CNGA3: variants seen among roughly 807,000 people sequenced by gnomAD.
CNGA3 encodes the protein cyclic nucleotide gated channel subunit alpha 3, also known as cyclic nucleotide-gated channel alpha-3.
CNGA3 carries 42 observed loss-of-function variants against 46.6 expected under a neutral mutation model. That is an observed-to-expected ratio of 0.90 (90% CI 0.70 to 1.17). CNGA3 has a LOEUF of 1.17. CNGA3 is among the 50% of genes most tolerant of loss of function. The probability of loss-of-function intolerance (pLI) is 0.00; values close to 1 mark genes in which losing one functional copy is unlikely to be tolerated. For synonymous variants in CNGA3, 394 were observed against 369.4 expected, an observed-to-expected ratio of 1.07 and a Z score of -0.76; for missense variants, 893 against 890.7, an observed-to-expected ratio of 1.00 and a Z score of -0.03.
rs1692915490 is a variant in CNGA3 at position 98,396,433 on chromosome 2, G to A, written c.1263G>A (p.Lys421=). The change falls in exon 8 of 8, where the codon AAG becomes AAA. Residue 421 remains lysine (K), a synonymous_variant. Transcript: ENST00000272602. ...TCCAGGCCAAGATTGATTCCATCAAGCAGTACATGCAGTTCCGCAAGGTCA... is the reference window on the plus strand; with the variant it reads ...TCCAGGCCAAGATTGATTCCATCAAACAGTACATGCAGTTCCGCAAGGTCA... The part of the protein sequence containing the change: ...AEFQAKIDSI[K]QYMQFRKVTK... 2 of 1,613,852 alleles carry A rather than the reference G, an allele frequency of 1.2e-6. No homozygotes were observed. The highest frequency in any genetic ancestry group is 1.3e-5 in the African/African-American group (1 of 74,906).
chr2:98,393,060 G>T (rs1387892968), intron 7 of CNGA3, among the ~76,000 whole-genome samples: 4 of 152,098 alleles, frequency 2.6e-5, no homozygotes, highest in Non-Finnish European at 5.9e-5. Flanking sequence ...TGAGGCAGGA[G>T]TTCCAGACTA....
chr2:98,378,057 G>C (rs1418255351), intron 3 of CNGA3: 1 of 1,550,498 alleles, frequency 6.4e-7, no homozygotes, highest in African/African-American at 1.4e-5. Context: ...TACTTGCTCA[G>C]GTTTGGAAGA....
At chr2:98,378,334 T>C in intron 3 of CNGA3, 1 of 1,078,626 alleles carries the variant, frequency 9.3e-7, no homozygotes, top group Non-Finnish European at 1.3e-6. Flanking sequence ...CCTGAGGAAG[T>C]CATTTCACCT....
chr2:98,368,402 TA>T (rs1692211314), intron 1 of CNGA3, among the ~76,000 whole-genome samples: 1 of 152,234 alleles, frequency 6.6e-6, no homozygotes, highest in Non-Finnish European at 1.5e-5. Context: ...GAGCCTGTGC[TA>T]ATCTATTTTA....
At chr2:98,373,478 G>A (rs1047229547) in intron 2 of CNGA3, among the ~76,000 whole-genome samples, 2 of 152,240 alleles carry the variant, frequency 1.3e-5, no homozygotes, top group South Asian at 2.1e-4. Context: ...GCCCCCAAGA[G>A]GAAGGCATAG....
At position 98,383,357 on chromosome 2, in the gene CNGA3, G is replaced by C. The variant is rs1484466311; in HGVS notation, c.396-31G>C. Reference sequence around the variant, plus strand: ...CCCCAAGGAATGGAAACAGAGTTCAGACCCTTGATGTTCTCTCTACCTTCC... The same window carrying C: ...CCCCAAGGAATGGAAACAGAGTTCACACCCTTGATGTTCTCTCTACCTTCC... On this transcript the variant is annotated intron_variant, in intron 4 of 7. Coordinates refer to ENST00000272602, the MANE Select transcript of CNGA3 (RefSeq NM_001298.3). 6.2e-6 allele frequency: 10 copies of C among 1,610,840 alleles called. No individual in the cohort carries two copies. In the South Asian group the frequency reaches 1.1e-4, roughly 18 times the overall value.
chr2:98,352,482 C>G (rs1691789214), intron 1 of CNGA3, among the ~76,000 whole-genome samples: 1 of 152,186 alleles, frequency 6.6e-6, no homozygotes, highest in Non-Finnish European at 1.5e-5. Context: ...GTGGCTACAT[C>G]ATTTACATTC....
intron 4 of CNGA3, among the ~76,000 whole-genome samples, chr2:98,381,487 C>T (rs985255115): frequency 9.9e-5 from 15 of 152,254 alleles, no homozygotes; most frequent in African/African-American, 1.9e-4. Flanking sequence ...GTGGCTCTTT[C>T]GGGAACGTCC....
chr2:98,396,621 A>G lies in CNGA3; in HGVS notation c.1451A>G (p.Gln484Arg), dbSNP rs1437228763. 1.2e-6 allele frequency: 2 copies of G among 1,613,970 alleles called. No homozygotes were observed. The highest frequency in any genetic ancestry group is 1.3e-5 in the African/African-American group (1 of 74,912). Reference protein sequence around the residue: ...LDTLKKVRIFQDCEAGLLVEL... With the variant: ...LDTLKKVRIFRDCEAGLLVEL... The stretch of plus-strand genomic sequence containing the variant: ...ACGCTGAAGAAGGTTCGCATCTTCC[A>G]GGACTGTGAGGCAGGGCTGCTGGTG... The change falls in exon 8 of 8, where the codon CAG becomes CGG. Residue 484 changes from glutamine to arginine, a missense_variant. By Grantham distance (43) the Gln-to-Arg change is conservative. Coordinates refer to ENST00000272602, the MANE Select transcript of CNGA3 (RefSeq NM_001298.3).
chr2:98,365,829 A>G (rs1692135716), intron 1 of CNGA3, among the ~76,000 whole-genome samples: 1 of 152,144 alleles, frequency 6.6e-6, no homozygotes, highest in Admixed American at 6.5e-5. Flanking sequence ...GCTTCTTTGC[A>G]TTGGGTTAGA....
chr2:98,348,884 T>C (rs893696723), intron 1 of CNGA3, among the ~76,000 whole-genome samples: 2 of 152,106 alleles, frequency 1.3e-5, no homozygotes, highest in Non-Finnish European at 2.9e-5. Flanking sequence ...ATGGAGGTGA[T>C]AACAGAGCCC....
chr2:98,361,971 T>A (rs1692044438), intron 1 of CNGA3, among the ~76,000 whole-genome samples: 1 of 151,962 alleles, frequency 6.6e-6, no homozygotes, highest in South Asian at 2.1e-4. Context: ...CCTCCCAAAG[T>A]GCTGGGATTA....
chr2:98,396,688 G>A lies in CNGA3; in HGVS notation c.1518G>A (p.Gly506=). 2.5e-6 allele frequency: 4 copies of A among 1,614,142 alleles called. No individual in the cohort carries two copies. Among genetic ancestry groups the A allele is most frequent in the Non-Finnish European group, 3.4e-6 (4 of 1,180,034 alleles). ...TGCGACCCACTGTGTTCAGCCCTGG[G>A]GATTATATCTGCAAGAAGGGAGATA... is the stretch of plus-strand genomic sequence containing the variant. ...LKLRPTVFSP[G]DYICKKGDIG... is the part of the protein sequence containing the mutation. Residue 506 remains glycine (G), a synonymous_variant, in exon 8 of 8, where the codon GGG becomes GGA. Coordinates refer to ENST00000272602, the MANE Select transcript of CNGA3 (RefSeq NM_001298.3).
chr2:98,358,378 G>A (rs957285351), intron 1 of CNGA3, among the ~76,000 whole-genome samples: 3 of 152,106 alleles, frequency 2.0e-5, no homozygotes, highest in East Asian at 3.8e-4. Flanking sequence ...TGAATTGATG[G>A]ATCTAGCAAA....
chr2:98,389,728 G>GGT lies in CNGA3; in HGVS notation c.520_521insGT (p.Ala174GlyfsTer28). ...CAACCTGTACTACCGCTGGCTGACCGCCATCGCCCTGCCTGTCTTCTATAA... is the reference window on the plus strand; with the variant it reads ...CAACCTGTACTACCGCTGGCTGACCGGTCCATCGCCCTGCCTGTCTTCTATAA... On this transcript the variant is annotated frameshift_variant, in exon 6 of 8. Transcript: ENST00000272602. LOFTEE classifies it high-confidence loss of function. 6.2e-7 allele frequency: 1 copy of GGT among 1,613,610 alleles called. No individual in the cohort carries two copies. Among genetic ancestry groups the GGT allele is most frequent in the Non-Finnish European group, 8.5e-7 (1 of 1,180,018 alleles).
intron 7 of CNGA3, 62 bp from the exon 8 acceptor site, chr2:98,395,782 T>C: frequency 7.2e-7 from 1 of 1,397,220 alleles, no homozygotes; most frequent in African/African-American, 1.4e-5. Flanking sequence ...TATGTTTCTT[T>C]GTACTATGGT....
intron 1 of CNGA3, chr2:98,347,179 G>A (rs1691652300): frequency 6.6e-6 from 1 of 152,310 alleles, no homozygotes; most frequent in Admixed American, 6.5e-5. Context: ...AAAGAGAAAG[G>A]TAGGCTGAGG....
At position 98,395,905 on chromosome 2, in the gene CNGA3, G is replaced by C; in HGVS notation, c.735G>C (p.Thr245=). The C allele has an allele frequency of 6.2e-7, 1 of 1,614,100 alleles. No homozygotes were observed. The highest frequency in any genetic ancestry group is 8.5e-7 in the Non-Finnish European group (1 of 1,180,032). Residue 245 remains threonine (T), a synonymous_variant, in exon 8 of 8, where the codon ACG becomes ACC. Coordinates refer to ENST00000272602, the MANE Select transcript of CNGA3 (RefSeq NM_001298.3). ...DTNRLWQHYK[T]TTQFKLDVLS... ...ACAGGCTGTGGCAGCATTACAAGAC[G>C]ACCACGCAGTTCAAGCTGGATGTGT...
Position 98,396,937 on chromosome 2 carries a change from C to A in CNGA3, c.1767C>A (p.Thr589=), listed in dbSNP as rs137950660. ...AGGACGATCTCATGGAGGCCCTCACCGAGTACCCCGAAGCCAAGAAGGCCC... is the reference window on the plus strand; with the variant it reads ...AGGACGATCTCATGGAGGCCCTCACAGAGTACCCCGAAGCCAAGAAGGCCC... ...LSKDDLMEAL[T]EYPEAKKALE... is the part of the protein sequence containing the mutation. Residue 589 remains threonine (T), a synonymous_variant, in exon 8 of 8, where the codon ACC becomes ACA. Transcript: ENST00000272602. 1 of 1,613,964 alleles carries A rather than the reference C, an allele frequency of 6.2e-7. No individual in the cohort carries two copies. Among genetic ancestry groups the A allele is most frequent in the Non-Finnish European group, 8.5e-7 (1 of 1,180,034 alleles).
Sources: gnomAD v4.1 joint callset for allele counts (sites outside exome capture counted in the v4.1 genomes callset) on GRCh38, gnomAD v4.1.1 for gene constraint, MANE v1.5 for transcripts, NCBI Gene and HGNC (gene_info 2026-07-23, HGNC 2026-07-21) for gene names.